Variants in TRAF2 observed in about 807,000 individuals in gnomAD.
TRAF2 encodes the protein TNF receptor-associated factor 2.
A neutral mutation model predicts 55.6 loss-of-function variants in TRAF2; 6 were observed. The ratio of observed to expected loss-of-function variants is 0.11; its 90% CI spans 0.06 to 0.21. The LOEUF is 0.21. Among genes scored for constraint, TRAF2 ranks in the 10% least tolerant of loss-of-function variants. The probability of loss-of-function intolerance (pLI) is 1.00; values close to 1 mark genes in which losing one functional copy is unlikely to be tolerated. For synonymous variants in TRAF2, 329 were observed against 276.3 expected, an observed-to-expected ratio of 1.19 and a Z score of -1.89; for missense variants, 561 against 684.5, an observed-to-expected ratio of 0.82 and a Z score of 2.01.
chr9:136,900,774 C>T (rs776839405), intron 4 of TRAF2: 6 of 457,326 alleles, frequency 1.3e-5, no homozygotes, highest in Non-Finnish European at 2.5e-5. Context: ...CTCTCTGTGC[C>T]TCAGGTTTCT....
chr9:136,919,275 T>C (rs1850323656), intron 7 of TRAF2, among the ~76,000 whole-genome samples: 1 of 148,612 alleles, frequency 6.7e-6, no homozygotes, highest in African/African-American at 2.5e-5. Context: ...TGCCCAGGCT[T>C]CTCTGGAACT....
chr9:136,895,983 C>T (rs1849671650), intron 1 of TRAF2, among the ~76,000 whole-genome samples: 1 of 152,156 alleles, frequency 6.6e-6, no homozygotes, highest in Non-Finnish European at 1.5e-5. Context: ...CCTGTCAGTC[C>T]CTGCCTCCCT....
intron 4 of TRAF2, among the ~76,000 whole-genome samples, chr9:136,905,732 C>A (rs1034401864): frequency 6.6e-6 from 1 of 152,188 alleles, no homozygotes; most frequent in Non-Finnish European, 1.5e-5. Flanking sequence ...CACAGGGGCT[C>A]ATGCCTGTAA....
At position 136,908,174 on chromosome 9, in the gene TRAF2, G is replaced by C. The variant is rs563595602; in HGVS notation, c.471G>C (p.Pro157=). 44 of 1,602,050 alleles carry C rather than the reference G, an allele frequency of 2.7e-5. No homozygotes were observed. The highest frequency in any genetic ancestry group is 1.3e-4 in the Admixed American group (8 of 59,994). Residue 157 remains proline, a synonymous_variant, in exon 5 of 11, where the codon CCG becomes CCC. Transcript: ENST00000247668. ...AGCGCCACCTGGAGCACGAGTGCCCGGAGAGAAGCCTGAGCTGCCGGCATT... is the reference window on the plus strand; with the variant it reads ...AGCGCCACCTGGAGCACGAGTGCCCCGAGAGAAGCCTGAGCTGCCGGCATT... ...EKERHLEHEC[P]ERSLSCRHCR...
chr9:136,897,077 C>T (rs568511828), intron 1 of TRAF2, among the ~76,000 whole-genome samples: 1 of 152,320 alleles, frequency 6.6e-6, no homozygotes, highest in South Asian at 2.1e-4. Context: ...GGTTCCCACA[C>T]AACAGGGGCT....
intron 4 of TRAF2, among the ~76,000 whole-genome samples, chr9:136,904,545 A>C (rs774071733): frequency 6.6e-6 from 1 of 152,088 alleles, no homozygotes; most frequent in Admixed American, 6.6e-5. Context: ...AGCTAGGACT[A>C]CAGGCGCTCA....
At chr9:136,921,310 TG>T in intron 9 of TRAF2, 95 bp downstream of exon 9, 10 of 1,505,468 alleles carry the variant, frequency 6.6e-6, no homozygotes, top group Middle Eastern at 2.2e-4. Flanking sequence ...CTCCCAAGGG[TG>T]GGGCTGGGAT....
intron 4 of TRAF2, among the ~76,000 whole-genome samples, chr9:136,905,044 T>C (rs1419520511): frequency 1.3e-5 from 2 of 152,174 alleles, no homozygotes; most frequent in Non-Finnish European, 2.9e-5. Context: ...CTGGGGAGGT[T>C]GAATGGAAGC....
intron 6 of TRAF2, among the ~76,000 whole-genome samples, chr9:136,910,693 G>C (rs1038792719): frequency 3.9e-5 from 6 of 152,246 alleles, no homozygotes; most frequent in Admixed American, 3.9e-4. Context: ...GGCAGCTACA[G>C]GAGGGGTCAG....
chr9:136,906,139 A>G (rs1849945049), intron 4 of TRAF2, among the ~76,000 whole-genome samples: 1 of 152,106 alleles, frequency 6.6e-6, no homozygotes, highest in Non-Finnish European at 1.5e-5. Flanking sequence ...TGCCAAAAAT[A>G]CAAAGAAATT....
At chr9:136,921,827 C>T (rs1850393726) in intron 9 of TRAF2, among the ~76,000 whole-genome samples, 1 of 152,154 alleles carries the variant, frequency 6.6e-6, no homozygotes, top group South Asian at 2.1e-4. Flanking sequence ...GACTGTGCTT[C>T]TGGGCGCTGC....
intron 6 of TRAF2, 124 bp from the exon 7 acceptor site, chr9:136,916,417 G>C: frequency 1.1e-6 from 1 of 896,798 alleles, no homozygotes; most frequent in East Asian, 2.5e-5. Flanking sequence ...TTCATTCAGT[G>C]TGAGAGTGAA....
At chr9:136,890,070 CGTGT>C (rs766072981) in intron 1 of TRAF2, among the ~76,000 whole-genome samples, 25 of 126,040 alleles carry the variant, frequency 2.0e-4, no homozygotes, top group East Asian at 4.7e-4. Flanking sequence ...CCGGTCACCG[CGTGT>C]GTGAGTCCCC....
chr9:136,917,955 A>T (rs1296174141), intron 7 of TRAF2, among the ~76,000 whole-genome samples: 1 of 152,034 alleles, frequency 6.6e-6, no homozygotes. Context: ...GAGAGAACAC[A>T]GCGTGAGTCT....
chr9:136,908,241 G>A lies in TRAF2; in HGVS notation c.528+10G>A. ...CGGAGCAGACGTGAAGGTGCGTGGG[G>A]TGGAGCAGCAGCCTGTGTGGCTGCA... On this transcript the variant is annotated intron_variant, in intron 5 of 10. Coordinates refer to ENST00000247668, the MANE Select transcript of TRAF2 (RefSeq NM_021138.4). The A allele has an allele frequency of 1.9e-6, 3 of 1,563,094 alleles. No individual in the cohort carries two copies. Among genetic ancestry groups the A allele is most frequent in the Admixed American group, 1.9e-5 (1 of 53,368 alleles).
intron 10 of TRAF2, among the ~76,000 whole-genome samples, chr9:136,924,984 A>T (rs558782791): frequency 6.6e-6 from 1 of 152,122 alleles, no homozygotes; most frequent in East Asian, 1.9e-4. Context: ...TGATCCGCCC[A>T]CCTTGGCCTC....
chr9:136,924,068 T>TG, intron 10 of TRAF2, 68 bp downstream of exon 10: 1 of 1,574,330 alleles, frequency 6.4e-7, no homozygotes, highest in African/African-American at 1.3e-5. Context: ...GCAGCTTCTG[T>TG]GGTGCAGGGT....
intron 4 of TRAF2, among the ~76,000 whole-genome samples, chr9:136,903,410 C>T (rs546497465): frequency 3.3e-5 from 5 of 152,226 alleles, no homozygotes; most frequent in Admixed American, 6.5e-5. Flanking sequence ...GCTGGCTGCA[C>T]GAGCAGCGGA....
intron 9 of TRAF2, among the ~76,000 whole-genome samples, chr9:136,923,391 G>T (rs1200764638): frequency 6.6e-6 from 1 of 151,292 alleles, no homozygotes; most frequent in African/African-American, 2.4e-5. Flanking sequence ...CGTGTGGATC[G>T]CCTGAGGGCA....
Sources: allele counts gnomAD v4.1 joint callset (sites outside exome capture counted in the v4.1 genomes callset), GRCh38; gene constraint gnomAD v4.1.1; transcripts MANE v1.5; gene names NCBI Gene and HGNC (gene_info 2026-07-23, HGNC 2026-07-21).